The following SLC14A2 variants were observed in gnomAD, a reference collection of about 807,000 sequenced individuals.
SLC14A2 encodes the protein solute carrier family 14 member 2.
In SLC14A2, 91 loss-of-function variants were observed where a neutral mutation model predicts 104.6. The observed-to-expected ratio is 0.87, with a 90% CI of 0.73 to 1.04. The LOEUF is 1.04. Among genes scored for constraint, SLC14A2 ranks in the 50% least tolerant of loss-of-function variants. The probability of loss-of-function intolerance (pLI) is 0.00; values close to 1 mark genes in which losing one functional copy is unlikely to be tolerated. For missense variants in SLC14A2, 1,189 were observed against 1,156.0 expected, an observed-to-expected ratio of 1.03 and a Z score of -0.41; for synonymous variants, 476 against 466.4, an observed-to-expected ratio of 1.02 and a Z score of -0.27.
the SLC14A2 span, among the ~76,000 whole-genome samples, chr18:45,199,252 T>C: frequency 6.6e-6 from 1 of 152,156 alleles, no homozygotes; most frequent in Admixed American, 6.6e-5. Context: ...CATTAGGCTT[T>C]TCTAATCTGA....
At chr18:45,378,899 C>T (rs2085804006) in intron 1 of SLC14A2, among the ~76,000 whole-genome samples, 1 of 152,184 alleles carries the variant, frequency 6.6e-6, no homozygotes, top group African/African-American at 2.4e-5. Context: ...GCGTGAGCCA[C>T]CGCTCCTGGT....
intron 15 of SLC14A2, 94 bp downstream of exon 15, chr18:45,668,571 A>G: frequency 1.4e-6 from 2 of 1,391,428 alleles, no homozygotes; most frequent in Non-Finnish European, 2.0e-6. Flanking sequence ...GTGATATTAA[A>G]GTGGCATGTA....
chr18:45,384,740 G>T (rs2085876140), intron 1 of SLC14A2, among the ~76,000 whole-genome samples: 1 of 152,168 alleles, frequency 6.6e-6, no homozygotes, highest in Non-Finnish European at 1.5e-5. Context: ...CATGTTGCAA[G>T]TGGAAAGCCA....
chr18:45,312,237 A>C (rs975379471), intron 1 of SLC14A2, among the ~76,000 whole-genome samples: 18 of 152,214 alleles, frequency 1.2e-4, no homozygotes, highest in Non-Finnish European at 2.9e-5. Flanking sequence ...ATACATTATC[A>C]ATAAATGTTA....
chr18:45,623,895 A>G (rs72908359), intron 1 of SLC14A2, among the ~76,000 whole-genome samples: 12,214 of 152,288 alleles, frequency 0.08, 648 homozygotes, highest in Non-Finnish European at 0.12. Context: ...CTAGAGAAGA[A>G]ATGCACAAAT....
chr18:45,567,712 C>T (rs1225278672), intron 2 of SLC14A2, among the ~76,000 whole-genome samples: 2 of 152,218 alleles, frequency 1.3e-5, no homozygotes, highest in Non-Finnish European at 2.9e-5. Context: ...TCTACCTTTC[C>T]ACCTCTCTCG....
At chr18:45,393,214 G>A (rs2085991284) in intron 1 of SLC14A2, among the ~76,000 whole-genome samples, 1 of 152,158 alleles carries the variant, frequency 6.6e-6, no homozygotes, top group East Asian at 1.9e-4. Flanking sequence ...AAAAATAAAA[G>A]ATGCATGAAT....
chr18:45,362,773 G>A (rs2085625696), intron 1 of SLC14A2, among the ~76,000 whole-genome samples: 1 of 152,208 alleles, frequency 6.6e-6, no homozygotes, highest in Non-Finnish European at 1.5e-5. Flanking sequence ...CATAGCTGCT[G>A]CTGCAGAAAC....
chr18:45,616,144 A>T (rs1372940631), intron 1 of SLC14A2, among the ~76,000 whole-genome samples: 1 of 152,112 alleles, frequency 6.6e-6, no homozygotes, highest in East Asian at 1.9e-4. Context: ...ACCGAGGGAG[A>T]TTGAGAACAG....
At chr18:45,219,500 AG>A (rs35912237) in intron 1 of SLC14A2, among the ~76,000 whole-genome samples, 8 of 119,736 alleles carry the variant, frequency 6.7e-5, no homozygotes, top group Non-Finnish European at 9.6e-5. Context: ...AGAGAGTAAG[AG>A]GAGGTGAAAG....
chr18:45,268,141 C>A lies in SLC14A2; in HGVS notation c.-125+54950C>A, dbSNP rs550567547. Among the ~76,000 whole-genome samples, 8 of 152,226 alleles carry A rather than the reference C, an allele frequency of 5.3e-5. No homozygotes were observed. In the East Asian group the frequency reaches 1.2e-3, roughly 22 times the overall value. ...ATTGTAATCTCCAGGGAAGGGAAAG[C>A]ATCATAAAATTTTATTCTGTAAATC... On this transcript the variant is annotated intron_variant, in intron 1 of 20. Transcript: ENST00000586448.
At chr18:45,289,536 C>T (rs1179769815) in intron 1 of SLC14A2, among the ~76,000 whole-genome samples, 1 of 152,186 alleles carries the variant, frequency 6.6e-6, no homozygotes, top group Non-Finnish European at 1.5e-5. Flanking sequence ...GCCAATGTTC[C>T]TTACTGTCTC....
At chr18:45,473,284 G>T (rs2087287415) in intron 1 of SLC14A2, among the ~76,000 whole-genome samples, 2 of 152,196 alleles carry the variant, frequency 1.3e-5, no homozygotes, top group Non-Finnish European at 2.9e-5. Flanking sequence ...CTGTAGCGTT[G>T]TAGTATGGTT....
chr18:45,397,631 G>T (rs1409417243), intron 1 of SLC14A2, among the ~76,000 whole-genome samples: 1 of 152,168 alleles, frequency 6.6e-6, no homozygotes, highest in African/African-American at 2.4e-5. Context: ...TTACGCTGTT[G>T]ATAGTTTCTT....
intron 1 of SLC14A2, among the ~76,000 whole-genome samples, chr18:45,229,913 G>A (rs186526794): frequency 1.3e-5 from 2 of 152,190 alleles, no homozygotes; most frequent in South Asian, 2.1e-4. Context: ...TCCTGGATCG[G>A]TATGTGCTTG....
intron 1 of SLC14A2, among the ~76,000 whole-genome samples, chr18:45,468,328 A>G (rs1316646190): frequency 6.6e-6 from 1 of 152,090 alleles, no homozygotes; most frequent in Non-Finnish European, 1.5e-5. Flanking sequence ...ACTGGGAGGG[A>G]GAAATCAAAA....
At chr18:45,610,071 TCCAGCCCCTCTCCCA>T (rs555821234) in intron 2 of SLC14A2, among the ~76,000 whole-genome samples, 4 of 152,210 alleles carry the variant, frequency 2.6e-5, no homozygotes, top group Non-Finnish European at 4.4e-5. Context: ...GAAGATAGTT[TCCAGCCCCTCTCCCA>T]CCATCCCCTC....
At chr18:45,569,791 A>G (rs2044320966) in intron 2 of SLC14A2, among the ~76,000 whole-genome samples, 1 of 152,132 alleles carries the variant, frequency 6.6e-6, no homozygotes, top group Non-Finnish European at 1.5e-5. Context: ...CAGCCCTGGG[A>G]AGGGAGCCAG....
At position 45,682,482 on chromosome 18, in the gene SLC14A2, C is replaced by T; in HGVS notation, c.2726C>T (p.Ser909Leu). ...YLSQERNRRA[S>L]IITKYQAYDV... ...TCCCAGGAGAGAAACAGAAGGGCAT[C>T]AATCATAACAAAGTATCAGGCCTAC... The change falls in exon 20 of 20, where the codon TCA (serine) becomes TTA (leucine). Residue 909 changes from serine to leucine, a missense_variant. Transcript: ENST00000255226. The T allele has an allele frequency of 6.2e-7, 1 of 1,614,130 alleles. No homozygotes were observed.
Sources: allele counts gnomAD v4.1 joint callset (sites outside exome capture counted in the v4.1 genomes callset), GRCh38; gene constraint gnomAD v4.1.1; transcripts MANE v1.5; gene names NCBI Gene and HGNC (gene_info 2026-07-23, HGNC 2026-07-21).